The following ESYT3 variants were observed in gnomAD, a reference collection of about 807,000 sequenced individuals.
The protein encoded by ESYT3 is extended synaptotagmin-3.
ESYT3 carries 101 observed loss-of-function variants against 111.5 expected under a neutral mutation model. That is an observed-to-expected ratio of 0.91 (90% CI 0.77 to 1.07). The LOEUF is 1.07. ESYT3 is among the 50% of genes least tolerant of loss of function. The pLI, the probability that ESYT3 is intolerant of heterozygous loss-of-function variation, is 0.00. For missense variants in ESYT3, 1,097 were observed against 1,109.4 expected (o/e 0.99, Z 0.16); for synonymous variants, 416 against 446.8 (o/e 0.93, Z 0.87).
At chr3:138,443,693 TGTGTGTGTCTGC>T (rs1314514700) in intron 1 of ESYT3, among the ~76,000 whole-genome samples, 1 of 151,490 alleles carries the variant, frequency 6.6e-6, no homozygotes, top group African/African-American at 2.4e-5. Context: ...CTGTTTAGTT[TGTGTGTGTCTGC>T]GTGTGTGTCC....
Position 138,464,011 on chromosome 3 carries a change from G to A in ESYT3, c.916-334G>A, listed in dbSNP as rs139277846. 3.0e-3 allele frequency among the ~76,000 whole-genome samples: 463 copies of A among 152,318 alleles called. 4 individuals are homozygous for A. Among genetic ancestry groups the A allele is most frequent in the African/African-American group, 0.011 (447 of 41,562 alleles). The stretch of plus-strand genomic sequence containing the variant: ...TGTAGGACACACAACAGAGGGGTCT[G>A]GAGTAAAGGAGGAAGCTTCCTTAGG... On this transcript the variant is annotated intron_variant, in intron 8 of 22. Coordinates refer to ENST00000389567, the MANE Select transcript of ESYT3 (RefSeq NM_031913.5).
intron 1 of ESYT3, among the ~76,000 whole-genome samples, chr3:138,445,060 G>A (rs1459043070): frequency 1.3e-5 from 2 of 152,180 alleles, no homozygotes; most frequent in Non-Finnish European, 2.9e-5. Flanking sequence ...CCAGTCCTCT[G>A]GAATCAAAAT....
chr3:138,461,262 C>T (rs1216108609), intron 7 of ESYT3, among the ~76,000 whole-genome samples: 1 of 152,188 alleles, frequency 6.6e-6, no homozygotes, highest in Non-Finnish European at 1.5e-5. Flanking sequence ...GATGTGACTT[C>T]CCCTGACCGT....
At position 138,470,066 on chromosome 3, in the gene ESYT3, C is replaced by A; in HGVS notation, c.1510C>A (p.Pro504Thr). 6.2e-7 allele frequency: 1 copy of A among 1,612,516 alleles called. No homozygotes were observed. The highest frequency in any genetic ancestry group is 1.1e-5 in the South Asian group (1 of 90,958). ...CTCCCTCTTCTGTTCCCAGACCTGT[C>A]CCCACAACAAGGACCCTGTGTGGAG... is the stretch of plus-strand genomic sequence containing the variant. The part of the protein sequence containing the change: ...GKKTHTSKTC[P>T]HNKDPVWSQV... Residue 504 changes from proline to threonine, a missense_variant, in exon 16 of 23, where the codon CCC becomes ACC. Physicochemically the swap from Pro to Thr is conservative, Grantham distance 38. Transcript: ENST00000389567.
rs760171456 is a variant in ESYT3, at chr3:138,434,788, G to A, written c.-11G>A. 6.5e-7 allele frequency: 1 copy of A among 1,537,892 alleles called. No individual in the cohort carries two copies. The highest frequency in any genetic ancestry group is 2.0e-5 in the Admixed American group (1 of 50,420). The stretch of plus-strand genomic sequence containing the variant: ...TGAAGCTCTCGGGAAGGGCAAGACT[G>A]CGGCGACGAGATGCGAGCAGAGGAG... On this transcript the variant is annotated 5_prime_UTR_variant, in exon 1 of 23. Coordinates refer to ENST00000389567, the MANE Select transcript of ESYT3 (RefSeq NM_031913.5).
Position 138,455,178 on chromosome 3 carries a change from C to T in ESYT3, c.370-16C>T, listed in dbSNP as rs1440487887. On this transcript the variant is annotated splice_polypyrimidine_tract_variant and intron_variant, in intron 2 of 22. Coordinates refer to ENST00000389567, the MANE Select transcript of ESYT3 (RefSeq NM_031913.5). Reference sequence around the variant, plus strand: ...GTACAGACCTGACTACCAAGAGCCTCTTCCCGTCTTCACAGATCATCTCTC... The same window carrying T: ...GTACAGACCTGACTACCAAGAGCCTTTTCCCGTCTTCACAGATCATCTCTC... The T allele has an allele frequency of 1.2e-6, 2 of 1,614,078 alleles. No individual in the cohort carries two copies. The highest frequency in any genetic ancestry group is 1.1e-5 in the South Asian group (1 of 91,054).
intron 4 of ESYT3, 90 bp from the exon 5 acceptor site, chr3:138,459,097 G>A (rs2032466774): frequency 6.6e-6 from 7 of 1,059,578 alleles, no homozygotes; most frequent in South Asian, 3.8e-5. Context: ...CCTGGGCTCC[G>A]GCTGTGTGAC....
Position 138,455,196 on chromosome 3 carries a change from C to T in ESYT3, c.372C>T (p.Ile124=), listed in dbSNP as rs148337880. The T allele has an allele frequency of 5.5e-5, 88 of 1,614,082 alleles. No individual in the cohort carries two copies. In the South Asian group the frequency reaches 8.2e-4, roughly 15 times the overall value. ...AGAGCCTCTTCCCGTCTTCACAGATCATCTCTCAGACCTGGCCCTACCTAA... is the reference window on the plus strand; with the variant it reads ...AGAGCCTCTTCCCGTCTTCACAGATTATCTCTCAGACCTGGCCCTACCTAA... ...DVERVEWANK[I]ISQTWPYLSM... is the part of the protein sequence containing the mutation. The change falls in exon 3 of 23, where the codon ATC becomes ATT. Residue 124 remains isoleucine, a splice_region_variant and synonymous_variant. Coordinates refer to ENST00000389567, the MANE Select transcript of ESYT3 (RefSeq NM_031913.5).
At chr3:138,455,096 G>C in intron 2 of ESYT3, 98 bp from the exon 3 acceptor site, 1 of 1,453,732 alleles carries the variant, frequency 6.9e-7, no homozygotes, top group Non-Finnish European at 9.5e-7. Context: ...CCCACCCCAA[G>C]ACCAGGCTGC....
At chr3:138,481,125 G>A (rs1168864819), downstream of ESYT3, 2 of 152,244 alleles carry the variant, frequency 1.3e-5, no homozygotes, top group African/African-American at 2.4e-5. Flanking sequence ...CTATACAGCT[G>A]TAAGATAATA....
rs549976725 is a variant in ESYT3 at position 138,467,472 on chromosome 3, T to C, written c.1170-89T>C. 1.8e-5 allele frequency: 23 copies of C among 1,310,248 alleles called. No homozygotes were observed. In the South Asian group the frequency reaches 2.1e-4, roughly 12 times the overall value. 81.2% of individuals were successfully genotyped at this position (1,310,248 alleles called of 1,614,324 possible). A position where few individuals can be genotyped will look rare whatever the true frequency, so the allele number is the denominator to read the frequency against. Reference sequence around the variant, plus strand: ...CTGTCTTAATGGCCGCACTCAGATATCTGAAAACAGAGTCCAGTGTGGGCC... The same window carrying C: ...CTGTCTTAATGGCCGCACTCAGATACCTGAAAACAGAGTCCAGTGTGGGCC... On this transcript the variant is annotated intron_variant, in intron 10 of 22. Coordinates refer to ENST00000389567, the MANE Select transcript of ESYT3 (RefSeq NM_031913.5).
chr3:138,476,229 AT>A lies in ESYT3; in HGVS notation c.2481del (p.Phe827LeufsTer7), dbSNP rs772672190. 2 of 1,608,690 alleles carry A rather than the reference AT, an allele frequency of 1.2e-6. No homozygotes were observed. The highest frequency in any genetic ancestry group is 1.7e-5 in the Admixed American group (1 of 59,372). On this transcript the variant is annotated frameshift_variant, in exon 21 of 23. Transcript: ENST00000389567. LOFTEE classifies it high-confidence loss of function. ...TCCTTTTTGCTTCCTAAAGATTTGAATTTTTTGTTCCCATGGAAGAAGTAAA... is the reference window on the plus strand; with the variant it reads ...TCCTTTTTGCTTCCTAAAGATTTGAATTTTTGTTCCCATGGAAGAAGTAAA... ...LEPLFDETFE[F>X]FVPMEEVKKR...
At position 138,441,523 on chromosome 3, in the gene ESYT3, G is replaced by A. The variant is rs552332225; in HGVS notation, c.327+6398G>A. Reference sequence around the variant, plus strand: ...GTGGGAATGTCTCTGGTGACTTTGGGGAGGGGGCTCTGGGAGGTATGAGCT... The same window carrying A: ...GTGGGAATGTCTCTGGTGACTTTGGAGAGGGGGCTCTGGGAGGTATGAGCT... On this transcript the variant is annotated intron_variant, in intron 1 of 22. Coordinates refer to ENST00000389567, the MANE Select transcript of ESYT3 (RefSeq NM_031913.5). Among the ~76,000 whole-genome samples, 13 of 152,326 alleles carry A rather than the reference G, an allele frequency of 8.5e-5. No homozygotes were observed. In the South Asian group the frequency reaches 2.7e-3, roughly 32 times the overall value.
chr3:138,462,283 C>T, intron 8 of ESYT3, 77 bp downstream of exon 8: 1 of 1,592,306 alleles, frequency 6.3e-7, no homozygotes, highest in Non-Finnish European at 8.6e-7. Flanking sequence ...ACATGTGGTG[C>T]ATTGGCTTTA....
chr3:138,476,286 T>G lies in ESYT3; in HGVS notation c.2532T>G (p.Asn844Lys). The change falls in exon 21 of 23, where the codon AAT becomes AAG. Residue 844 changes from asparagine to lysine, a missense_variant. Physicochemically the swap from Asn to Lys is moderately conservative, Grantham distance 94. Coordinates refer to ENST00000389567, the MANE Select transcript of ESYT3 (RefSeq NM_031913.5). Reference sequence around the variant, plus strand: ...GGTCACTAGATGTTGCAGTGAAAAATAGTAGGCCACTTGGCTCACACAGAA... The same window carrying G: ...GGTCACTAGATGTTGCAGTGAAAAAGAGTAGGCCACTTGGCTCACACAGAA... ...KKRSLDVAVKNSRPLGSHRRK... is the reference protein window; with the variant it reads ...KKRSLDVAVKKSRPLGSHRRK... The G allele has an allele frequency of 6.2e-7, 1 of 1,613,974 alleles. No individual in the cohort carries two copies. Among genetic ancestry groups the G allele is most frequent in the Non-Finnish European group, 8.5e-7 (1 of 1,179,940 alleles).
At position 138,478,733 on chromosome 3, in the gene ESYT3, G is replaced by A. The variant is rs759451480; in HGVS notation, c.*1879G>A. 1 of 152,188 alleles carries A rather than the reference G, an allele frequency of 6.6e-6. No individual in the cohort carries two copies. The highest frequency in any genetic ancestry group is 2.4e-5 in the African/African-American group (1 of 41,428). 9.4% of individuals were successfully genotyped at this position (152,188 alleles called of 1,614,324 possible). On this transcript the variant is annotated 3_prime_UTR_variant, in exon 23 of 23. Transcript: ENST00000389567. ...GAATTTTAGTACACAGCAGACAGGAGGCAAGGTTATATAGGCGCTGTGTGA... is the reference window on the plus strand; with the variant it reads ...GAATTTTAGTACACAGCAGACAGGAAGCAAGGTTATATAGGCGCTGTGTGA...
At chr3:138,444,629 G>A (rs559682137) in intron 1 of ESYT3, among the ~76,000 whole-genome samples, 7 of 152,312 alleles carry the variant, frequency 4.6e-5, no homozygotes, top group East Asian at 1.9e-4. Context: ...GTCCCTGGGC[G>A]CACTTCCTTC....
chr3:138,476,757 G>C, intron 22 of ESYT3, 61 bp from the exon 23 acceptor site: 1 of 1,547,458 alleles, frequency 6.5e-7, no homozygotes, highest in East Asian at 2.2e-5. Flanking sequence ...TAGGCAGTTT[G>C]TCCTGTTACC....
At position 138,472,066 on chromosome 3, in the gene ESYT3, T is replaced by TA. The variant is rs1236297384; in HGVS notation, c.1741-296dup. Among the ~76,000 whole-genome samples the TA allele has an allele frequency of 2.6e-5, 4 of 152,338 alleles. No homozygotes were observed. In the East Asian group the frequency reaches 5.8e-4, roughly 22 times the overall value. Reference sequence around the variant, plus strand: ...CTAACTCCCTGAATTCCAAGGTTGATATACAACCCTAGGAAAGCTTAACTT... The same window carrying TA: ...CTAACTCCCTGAATTCCAAGGTTGATAATACAACCCTAGGAAAGCTTAACTT... On this transcript the variant is annotated intron_variant, in intron 17 of 22. Coordinates refer to ENST00000389567, the MANE Select transcript of ESYT3 (RefSeq NM_031913.5).
Sources: gnomAD v4.1 joint callset for allele counts (sites outside exome capture counted in the v4.1 genomes callset) on GRCh38, gnomAD v4.1.1 for gene constraint, MANE v1.5 for transcripts, NCBI Gene and HGNC (gene_info 2026-07-23, HGNC 2026-07-21) for gene names.